The following IQGAP1 variants were observed in gnomAD, a reference collection of about 807,000 sequenced individuals.
IQGAP1 encodes the protein ras GTPase-activating-like protein IQGAP1.
A neutral mutation model predicts 215.6 loss-of-function variants in IQGAP1; 66 were observed. The ratio of observed to expected loss-of-function variants is 0.31; its 90% CI spans 0.25 to 0.38. The LOEUF is 0.38. Among genes scored for constraint, IQGAP1 ranks in the 10% least tolerant of loss-of-function variants. The pLI, the probability that IQGAP1 is intolerant of heterozygous loss-of-function variation, is 1.00. For synonymous variants in IQGAP1, 772 were observed against 728.7 expected (o/e 1.06, Z -0.96); for missense variants, 1,712 against 1,997.1 (o/e 0.86, Z 2.72).
chr15:90,392,107 A>G (rs1964644036), intron 2 of IQGAP1, among the ~76,000 whole-genome samples: 1 of 147,134 alleles, frequency 6.8e-6, no homozygotes, highest in African/African-American at 2.5e-5. Flanking sequence ...GCTACATTTA[A>G]AGTCTTTTTT....
chr15:90,431,107 T>A (rs1209147328), intron 4 of IQGAP1: 1 of 150,220 alleles, frequency 6.7e-6, no homozygotes, highest in African/African-American at 2.4e-5. Context: ...ATATAGTATA[T>A]TGATATGTAT....
Position 90,453,321 on chromosome 15 carries a change from C to G in IQGAP1, c.1487+29C>G, listed in dbSNP as rs370021413. The G allele has an allele frequency of 7.1e-5, 110 of 1,559,254 alleles. 1 individual carries two copies. In the African/African-American group the frequency reaches 1.4e-3, roughly 19 times the overall value. Reference sequence around the variant, plus strand: ...GGTGTCCAGAGTGAAGGGAATAAATCCATTACGTAGCTGTTAACCCTGTCT... The same window carrying G: ...GGTGTCCAGAGTGAAGGGAATAAATGCATTACGTAGCTGTTAACCCTGTCT... On this transcript the variant is annotated intron_variant, in intron 13 of 37. Transcript: ENST00000268182.
intron 23 of IQGAP1, chr15:90,475,676 C>T (rs1295981317): frequency 2.0e-5 from 3 of 149,210 alleles, no homozygotes; most frequent in Non-Finnish European, 3.0e-5. Flanking sequence ...TCGCTTGAAC[C>T]TGGGAGGCAG....
chr15:90,440,533 G>T lies in IQGAP1; in HGVS notation c.567G>T (p.Leu189Phe). 1 of 1,568,254 alleles carries T rather than the reference G, an allele frequency of 6.4e-7. No individual in the cohort carries two copies. Among genetic ancestry groups the T allele is most frequent in the East Asian group, 2.3e-5 (1 of 43,476 alleles). ...AAATCAACAACATGAAGACTGAGTT[G>T]GAGAAGTATGGCATCCAGATGCCTG... Reference protein sequence around the residue: ...EEEINNMKTELEKYGIQMPAF... With the variant: ...EEEINNMKTEFEKYGIQMPAF... The change falls in exon 7 of 38, where the codon TTG (leucine) becomes TTT (phenylalanine). Residue 189 changes from leucine to phenylalanine, a missense_variant. Physicochemically the swap from Leu to Phe is conservative, Grantham distance 22. Transcript: ENST00000268182.
In IQGAP1 at chr15:90,401,668, T is replaced by C. The variant is rs144500286; in HGVS notation, c.155+10795T>C. 2.5e-3 allele frequency among the ~76,000 whole-genome samples: 387 copies of C among 152,334 alleles called. 1 individual carries two copies. The highest frequency in any genetic ancestry group is 3.9e-3 in the Non-Finnish European group (267 of 68,034). On this transcript the variant is annotated intron_variant, in intron 2 of 37. Coordinates refer to ENST00000268182, the MANE Select transcript of IQGAP1 (RefSeq NM_003870.4). The stretch of plus-strand genomic sequence containing the variant: ...GAAGCCCTGTGAGGTGCTTATTATC[T>C]ACATTTAACAGATAAGAAAGCAAAG...
intron 15 of IQGAP1, among the ~76,000 whole-genome samples, chr15:90,463,339 C>T (rs116333999): frequency 0.013 from 2,045 of 152,304 alleles, 38 homozygotes; most frequent in African/African-American, 0.044. Context: ...ACAGCAGATT[C>T]TGCTCAGATA....
intron 2 of IQGAP1, among the ~76,000 whole-genome samples, chr15:90,401,510 C>G (rs188935560): frequency 1.3e-4 from 20 of 152,288 alleles, no homozygotes; most frequent in Non-Finnish European, 2.1e-4. Flanking sequence ...TTCTGTCTGT[C>G]CCAAAGTCAG....
At position 90,477,973 on chromosome 15, in the gene IQGAP1, A is replaced by G. The variant is rs1966003996; in HGVS notation, c.3329+84A>G. ...CCCCTCTCTTTATTTATAAACTAATATTAGTTCAAATAGTTTTTCTTTTCT... is the reference window on the plus strand; with the variant it reads ...CCCCTCTCTTTATTTATAAACTAATGTTAGTTCAAATAGTTTTTCTTTTCT... On this transcript the variant is annotated intron_variant, in intron 26 of 37. Transcript: ENST00000268182. 4 of 848,302 alleles carry G rather than the reference A, an allele frequency of 4.7e-6. No homozygotes were observed. In the Admixed American group the frequency reaches 9.4e-5, roughly 20 times the overall value. 52.5% of individuals were successfully genotyped at this position (848,302 alleles called of 1,614,324 possible).
intron 2 of IQGAP1, among the ~76,000 whole-genome samples, chr15:90,411,657 A>G (rs1208583530): frequency 6.6e-6 from 1 of 152,160 alleles, no homozygotes; most frequent in Non-Finnish European, 1.5e-5. Flanking sequence ...ATTAGGCTGT[A>G]GAGCTGCTCA....
At chr15:90,482,517 C>T (rs1188691789) in intron 28 of IQGAP1, among the ~76,000 whole-genome samples, 1 of 152,184 alleles carries the variant, frequency 6.6e-6, no homozygotes, top group Non-Finnish European at 1.5e-5. Flanking sequence ...TTCCTGTTTT[C>T]AGATGAGTTT....
rs751671961 is a variant in IQGAP1, at chr15:90,483,327, T to A, written c.3556-34T>A. On this transcript the variant is annotated intron_variant, in intron 28 of 37. Transcript: ENST00000268182. ...TTATAGCTTCCTTGGTGGTATGTCT[T>A]TTAATACCCATCTTTCTGTTTCGTC... 64 of 1,506,072 alleles carry A rather than the reference T, an allele frequency of 4.2e-5. No homozygotes were observed. In the East Asian group the frequency reaches 1.1e-3, roughly 27 times the overall value. 93.3% of individuals were successfully genotyped at this position (1,506,072 alleles called of 1,614,324 possible).
In IQGAP1 at chr15:90,492,718, A is replaced by G. The variant is rs768490007; in HGVS notation, c.4628+7A>G. On this transcript the variant is annotated splice_region_variant and intron_variant, in intron 35 of 37. Transcript: ENST00000268182. ...ACTTAGCCAGCAAGGGCAAGTGAGT[A>G]TTTTTTCTTTTTAAAGAATCAATGT... 2.5e-6 allele frequency: 4 copies of G among 1,596,808 alleles called. No homozygotes were observed. The highest frequency in any genetic ancestry group is 2.2e-5 in the East Asian group (1 of 44,724).
intron 36 of IQGAP1, 151 bp downstream of exon 36, chr15:90,494,986 C>G: frequency 2.0e-6 from 1 of 507,522 alleles, no homozygotes; most frequent in Non-Finnish European, 3.4e-6. Context: ...AGGCCTCATA[C>G]TCAGAGTTAA....
rs549331846 is a variant in IQGAP1 at position 90,409,297 on chromosome 15, G to A, written c.156-16813G>A. ...CTATCACTCAGGCTGGAGTGCAGTG[G>A]CACGATCTCGGTTCATTGCAACCTC... On this transcript the variant is annotated intron_variant, in intron 2 of 37. Coordinates refer to ENST00000268182, the MANE Select transcript of IQGAP1 (RefSeq NM_003870.4). Among the ~76,000 whole-genome samples, 5 of 146,426 alleles carry A rather than the reference G, an allele frequency of 3.4e-5. No homozygotes were observed. The South Asian group carries it at 8.8e-4, about 26-fold the overall frequency.
Position 90,443,475 on chromosome 15 carries a change from A to G in IQGAP1, c.910A>G (p.Asn304Asp), listed in dbSNP as rs771309889. 6.9e-6 allele frequency: 11 copies of G among 1,585,544 alleles called. No homozygotes were observed. Among genetic ancestry groups the G allele is most frequent in the Non-Finnish European group, 8.7e-6 (10 of 1,154,328 alleles). The change falls in exon 9 of 38, where the codon AAT becomes GAT. Residue 304 changes from asparagine to aspartate, a missense_variant. Transcript: ENST00000268182. Reference sequence around the variant, plus strand: ...AATTCAAGGCAATATAAACAAAGTCAATAGTAAGTATGTTCCTGAATCAGG... The same window carrying G: ...AATTCAAGGCAATATAAACAAAGTCGATAGTAAGTATGTTCCTGAATCAGG... ...AEIQGNINKV[N>D]TFSALANIDL...
chr15:90,448,744 T>TCC lies in IQGAP1; in HGVS notation c.1077+8_1077+9insCC. On this transcript the variant is annotated intron_variant, in intron 10 of 37. Coordinates refer to ENST00000268182, the MANE Select transcript of IQGAP1 (RefSeq NM_003870.4). ...AAACAGCAGAAGAGACAGGTAAACA[T>TCC]AGTCTGGATTGAAGCTGCAAGAGTT... is the stretch of plus-strand genomic sequence containing the variant. 6.4e-7 allele frequency: 1 copy of TCC among 1,552,104 alleles called. No homozygotes were observed.
intron 2 of IQGAP1, chr15:90,391,884 T>C (rs1596243702): frequency 6.6e-6 from 1 of 152,344 alleles, no homozygotes; most frequent in African/African-American, 2.4e-5. Flanking sequence ...TAATGAAATA[T>C]TTGTAATTAA....
At chr15:90,498,164 G>T (rs899651559) in intron 37 of IQGAP1, among the ~76,000 whole-genome samples, 2 of 151,496 alleles carry the variant, frequency 1.3e-5, no homozygotes, top group Non-Finnish European at 2.9e-5. Context: ...AGCCCTTGCA[G>T]ACATCCTCTG....
intron 34 of IQGAP1, among the ~76,000 whole-genome samples, chr15:90,492,163 C>T (rs1390105363): frequency 6.6e-6 from 1 of 152,080 alleles, no homozygotes; most frequent in Non-Finnish European, 1.5e-5. Flanking sequence ...CAAATTACTG[C>T]CTGTTGAATG....
Sources: gnomAD v4.1 joint callset for allele counts (sites outside exome capture counted in the v4.1 genomes callset) on GRCh38, gnomAD v4.1.1 for gene constraint, MANE v1.5 for transcripts, NCBI Gene and HGNC (gene_info 2026-07-23, HGNC 2026-07-21) for gene names.